ABLIM1: variants seen among roughly 807,000 people sequenced by gnomAD.
The protein encoded by ABLIM1 is actin binding LIM protein 1.
Under a neutral mutation model 107.0 loss-of-function variants are expected in ABLIM1, and 40 were observed. The ratio of observed to expected loss-of-function variants is 0.37; its 90% confidence interval spans 0.29 to 0.49. The LOEUF (loss-of-function observed/expected upper bound fraction) is 0.49, where lower values mean the gene tolerates loss of function less well. Ranked by LOEUF, ABLIM1 falls within the 20% of genes least tolerant of loss-of-function variation. ABLIM1 has a pLI of 0.97. For synonymous variants in ABLIM1, 357 were observed against 357.3 expected (o/e 1.00, Z 0.01); for missense variants, 857 against 1,008.5 (o/e 0.85, Z 2.04).
At chr10:114,537,293 T>C (rs2066147342) in intron 6 of ABLIM1, among the ~76,000 whole-genome samples, 1 of 152,208 alleles carries the variant, frequency 6.6e-6, no homozygotes, top group Non-Finnish European at 1.5e-5. Context: ...ATTTATGGGG[T>C]TCATATGAGT....
upstream of ABLIM1, among the ~76,000 whole-genome samples, chr10:114,771,337 A>G (rs1005683864): frequency 9.2e-5 from 14 of 152,180 alleles, no homozygotes; most frequent in Non-Finnish European, 1.9e-4. Context: ...ACCTTTCCCA[A>G]TACTGTTAGG....
intron 1 of ABLIM1, among the ~76,000 whole-genome samples, chr10:114,727,372 CA>C (rs2081982167): frequency 6.6e-6 from 1 of 151,976 alleles, no homozygotes. Context: ...GAAACAAATG[CA>C]AAAAAGTATT....
At chr10:114,676,402 G>A (rs113156284) in intron 1 of ABLIM1, among the ~76,000 whole-genome samples, 22,111 of 151,918 alleles carry the variant, frequency 0.15, 2,075 homozygotes, top group Middle Eastern at 0.25. Flanking sequence ...GCTTGAACCC[G>A]GGAAGCGGAG....
At chr10:114,463,090 G>A (rs749396071) in intron 12 of ABLIM1, 5 of 1,337,968 alleles carry the variant, frequency 3.7e-6, no homozygotes, top group East Asian at 4.8e-5. Flanking sequence ...GGGTTGGGGC[G>A]GGAGTCGCTG....
chr10:114,782,155 ATAAAT>A, the ABLIM1 span, among the ~76,000 whole-genome samples: 1 of 152,178 alleles, frequency 6.6e-6, no homozygotes, highest in Non-Finnish European at 1.5e-5. Flanking sequence ...ACAGAATGCT[ATAAAT>A]TAAATTAAAG....
At chr10:114,783,040 G>C in the ABLIM1 span, among the ~76,000 whole-genome samples, 3 of 152,204 alleles carry the variant, frequency 2.0e-5, no homozygotes, top group African/African-American at 7.2e-5. Context: ...CCAGAACTTT[G>C]GGAGGCCGAG....
chr10:114,449,422 C>A (rs1390281974), intron 14 of ABLIM1, among the ~76,000 whole-genome samples: 1 of 152,202 alleles, frequency 6.6e-6, no homozygotes, highest in Non-Finnish European at 1.5e-5. Context: ...AATAACTCAA[C>A]CAAGGTCACC....
intron 4 of ABLIM1, among the ~76,000 whole-genome samples, 157 bp downstream of exon 4, chr10:114,571,137 CCTG>C (rs2071618024): frequency 6.6e-6 from 1 of 152,146 alleles, no homozygotes; most frequent in East Asian, 1.9e-4. Flanking sequence ...TTTTCATGTA[CCTG>C]TTGGCCATTT....
Position 114,748,181 on chromosome 10 carries a change from C to T in ABLIM1, c.-213+19880G>A, listed in dbSNP as rs576172056. The stretch of plus-strand genomic sequence containing the variant: ...CTCTTTTTTTTTTCCTTGCTGTCTT[C>T]AGGAAAAAGAATAATTCTCATTTTA... On this transcript the variant is annotated intron_variant, in intron 1 of 15. Coordinates refer to the ABLIM1 transcript ENST00000651092. Among the ~76,000 whole-genome samples, 7 of 151,530 alleles carry T rather than the reference C, an allele frequency of 4.6e-5. No homozygotes were observed. In the South Asian group the frequency reaches 1.5e-3, roughly 32 times the overall value.
intron 1 of ABLIM1, among the ~76,000 whole-genome samples, chr10:114,603,708 C>G (rs549409982): frequency 6.6e-6 from 1 of 151,330 alleles, no homozygotes; most frequent in Non-Finnish European, 1.5e-5. Context: ...AATCCCAGCA[C>G]TTTGGGAAGC....
intron 12 of ABLIM1, chr10:114,465,438 T>A (rs2064947125): frequency 1.4e-5 from 4 of 295,500 alleles, no homozygotes; most frequent in Non-Finnish European, 2.3e-5. Context: ...AAAAAATTTT[T>A]AAAAAAACCC....
intron 1 of ABLIM1, among the ~76,000 whole-genome samples, chr10:114,605,322 G>T (rs1264453037): frequency 6.6e-6 from 1 of 152,114 alleles, no homozygotes; most frequent in Non-Finnish European, 1.5e-5. Context: ...CTACAATTTT[G>T]AAATATGCTG....
At chr10:114,594,522 G>A (rs960838776) in intron 2 of ABLIM1, among the ~76,000 whole-genome samples, 1 of 152,204 alleles carries the variant, frequency 6.6e-6, no homozygotes, top group Non-Finnish European at 1.5e-5. Flanking sequence ...GGCAGAGTCA[G>A]GTGGATCACC....
At chr10:114,532,858 G>A (rs1215678814) in intron 6 of ABLIM1, among the ~76,000 whole-genome samples, 1 of 152,148 alleles carries the variant, frequency 6.6e-6, no homozygotes, top group African/African-American at 2.4e-5. Flanking sequence ...CAGATTCCAG[G>A]AGTCAGGCTG....
chr10:114,701,888 A>G lies in ABLIM1; in HGVS notation c.-213+66173T>C, dbSNP rs80104708. 7.2e-3 allele frequency among the ~76,000 whole-genome samples: 1,101 copies of G among 152,356 alleles called. 17 individuals are homozygous for G. The highest frequency in any genetic ancestry group is 0.025 in the African/African-American group (1,051 of 41,582). ...GATTCTTACATTTCAATGTATGTCA[A>G]TTATGCCTTAAAAACAACTGTTAAA... On this transcript the variant is annotated intron_variant, in intron 1 of 15. Transcript: ENST00000651092.
chr10:114,793,840 C>G, the ABLIM1 span, among the ~76,000 whole-genome samples: 36 of 152,346 alleles, frequency 2.4e-4, no homozygotes, highest in African/African-American at 7.7e-4. Flanking sequence ...CAGGGTCAGA[C>G]CTGCATTGCA....
chr10:114,760,397 T>G (rs2082719354), intron 1 of ABLIM1, among the ~76,000 whole-genome samples: 1 of 139,904 alleles, frequency 7.1e-6, no homozygotes. Flanking sequence ...AGAAGAAAAT[T>G]TCTCCTTCAC....
At position 114,728,208 on chromosome 10, in the gene ABLIM1, C is replaced by T. The variant is rs150538762; in HGVS notation, c.-213+39853G>A. Among the ~76,000 whole-genome samples the T allele has an allele frequency of 7.3e-3, 1,114 of 152,290 alleles. 13 individuals carry two copies. The highest frequency in any genetic ancestry group is 0.024 in the African/African-American group (1,016 of 41,580). On this transcript the variant is annotated intron_variant, in intron 1 of 15. Transcript: ENST00000651092. Reference sequence around the variant, plus strand: ...AAACTAAAGTAAGATTTTGCATACTCAAACTTGACAATGGCAAGTGTTGAC... The same window carrying T: ...AAACTAAAGTAAGATTTTGCATACTTAAACTTGACAATGGCAAGTGTTGAC...
intron 1 of ABLIM1, among the ~76,000 whole-genome samples, chr10:114,645,295 T>C (rs552065699): frequency 6.6e-6 from 1 of 152,304 alleles, no homozygotes; most frequent in African/African-American, 2.4e-5. Context: ...GGGATATCTC[T>C]GCAGCACATC....
Sources: allele counts gnomAD v4.1 joint callset (sites outside exome capture counted in the v4.1 genomes callset), GRCh38; gene constraint gnomAD v4.1.1; transcripts MANE v1.5; gene names NCBI Gene and HGNC (gene_info 2026-07-23, HGNC 2026-07-21).